SRGAP2B: variants seen among roughly 807,000 people sequenced by gnomAD.
SRGAP2B encodes SLIT-ROBO Rho GTPase activating protein 2B.
In SRGAP2B, 9 loss-of-function variants were observed where a neutral mutation model predicts 22.2. The observed-to-expected ratio is 0.41, with a 90% confidence interval of 0.24 to 0.71. SRGAP2B has a LOEUF of 0.71. Ranked by LOEUF, SRGAP2B falls within the 30% of genes least tolerant of loss-of-function variation. SRGAP2B has a pLI of 0.35. For synonymous variants in SRGAP2B, 36 were observed against 87.4 expected, an observed-to-expected ratio of 0.41 and a Z score of 3.28; for missense variants, 114 against 235.8, an observed-to-expected ratio of 0.48 and a Z score of 3.38.
At chr1:144,911,619 A>ATTT (rs1319087786) in intron 5 of SRGAP2B, among the ~76,000 whole-genome samples, 3 of 135,644 alleles carry the variant, frequency 2.2e-5, no homozygotes, top group African/African-American at 8.7e-5. Flanking sequence ...CTGAACTGCT[A>ATTT]TTTTTTTTTT....
chr1:145,093,838 G>C (rs1360084591), intron 1 of SRGAP2B, among the ~76,000 whole-genome samples: 3 of 143,772 alleles, frequency 2.1e-5, no homozygotes, highest in African/African-American at 8.1e-5. Context: ...TACATCAAAG[G>C]GGATCAAAGC....
rs1228294093 is a variant in SRGAP2B, at chr1:144,998,988, C to A, written c.68-3788G>T. On this transcript the variant is annotated intron_variant, in intron 2 of 9. Transcript: ENST00000612199. ...GCCCCTCTGAATCCTGGCCTATCAA[C>A]AAACAAAAGGGCAGAAAGAAGAAAG... Among the ~76,000 whole-genome samples the A allele has an allele frequency of 8.7e-4, 131 of 150,948 alleles. 6 individuals carry two copies. The highest frequency in any genetic ancestry group is 3.0e-3 in the African/African-American group (122 of 40,444).
intron 4 of SRGAP2B, among the ~76,000 whole-genome samples, chr1:144,951,806 C>T: frequency 7.0e-6 from 1 of 142,706 alleles, no homozygotes; most frequent in East Asian, 2.1e-4. Context: ...CCTATGTCCC[C>T]AGAGAAATGG....
intron 2 of SRGAP2B, among the ~76,000 whole-genome samples, chr1:144,998,749 T>C (rs2102177994): frequency 6.6e-6 from 1 of 151,204 alleles, no homozygotes; most frequent in South Asian, 2.1e-4. Context: ...CTAACTACTC[T>C]CACTCTTAGG....
At chr1:145,084,019 A>G (rs1653143367) in intron 2 of SRGAP2B, among the ~76,000 whole-genome samples, 2 of 135,016 alleles carry the variant, frequency 1.5e-5, no homozygotes, top group Admixed American at 7.3e-5. Flanking sequence ...TAAGGAAGGA[A>G]TCCCAGAAAC....
chr1:145,063,113 TG>T (rs1406606658), intron 2 of SRGAP2B, among the ~76,000 whole-genome samples: 1 of 143,788 alleles, frequency 7.0e-6, no homozygotes, highest in African/African-American at 2.7e-5. Flanking sequence ...CCAAAACTGA[TG>T]GGATCCTCAA....
At chr1:145,093,672 G>C (rs1400425871) in intron 1 of SRGAP2B, among the ~76,000 whole-genome samples, 1 of 146,356 alleles carries the variant, frequency 6.8e-6, no homozygotes, top group South Asian at 2.1e-4. Context: ...CGCGGGCTCC[G>C]GGCGGGAACT....
chr1:144,909,261 G>A lies in SRGAP2B; in HGVS notation c.487-3187C>T, dbSNP rs1295079515. On this transcript the variant is annotated intron_variant, in intron 5 of 9. Coordinates refer to ENST00000612199, the Ensembl canonical transcript of SRGAP2B. The stretch of plus-strand genomic sequence containing the variant: ...AGAAATAAGTAGCAGTGGGATGAAG[G>A]TAGAGCTAAACACAAAATAAGCTAT... 4.1e-5 allele frequency among the ~76,000 whole-genome samples: 6 copies of A among 146,600 alleles called. 1 individual carries two copies. The highest frequency in any genetic ancestry group is 1.6e-4 in the African/African-American group (6 of 38,074).
At chr1:144,970,645 T>A (rs1158816903) in intron 3 of SRGAP2B, among the ~76,000 whole-genome samples, 2 of 128,456 alleles carry the variant, frequency 1.6e-5, no homozygotes, top group Non-Finnish European at 1.6e-5. Flanking sequence ...CTTAAAGTAT[T>A]AAAAAAAAAA....
At chr1:144,955,338 G>A in intron 4 of SRGAP2B, 101 bp downstream of exon 4, 1 of 583,030 alleles carries the variant, frequency 1.7e-6, no homozygotes, top group Non-Finnish European at 3.1e-6. Context: ...CTGGTGTACA[G>A]ATAATTTTGT....
intron 2 of SRGAP2B, among the ~76,000 whole-genome samples, chr1:145,008,934 G>T (rs1553621642): frequency 2.0e-5 from 3 of 150,264 alleles, no homozygotes; most frequent in Non-Finnish European, 4.4e-5. Context: ...GACTTTGGGA[G>T]GCCAAGGCAG....
intron 4 of SRGAP2B, among the ~76,000 whole-genome samples, chr1:144,951,928 T>C (rs1359190961): frequency 6.8e-6 from 1 of 147,242 alleles, no homozygotes; most frequent in African/African-American, 2.6e-5. Flanking sequence ...GCACCTGAAA[T>C]AATCCTTCAT....
chr1:144,918,217 G>T (rs1387541882), intron 4 of SRGAP2B: 2 of 139,510 alleles, frequency 1.4e-5, no homozygotes, highest in Admixed American at 1.4e-4. Flanking sequence ...GAAGTTGGGG[G>T]AAAAAATTAC....
chr1:144,964,378 G>T (rs1354763909), intron 3 of SRGAP2B, among the ~76,000 whole-genome samples: 3 of 147,358 alleles, frequency 2.0e-5, no homozygotes, highest in Admixed American at 6.7e-5. Context: ...CACCAATCTT[G>T]CCAAATCAGC....
intron 4 of SRGAP2B, among the ~76,000 whole-genome samples, chr1:144,926,045 CCT>C (rs1664711984): frequency 3.6e-5 from 2 of 55,804 alleles, no homozygotes; most frequent in African/African-American, 1.5e-4. Flanking sequence ...CTTCTATTTT[CCT>C]CTTTCCTCTC....
At chr1:145,093,704 C>G (rs1351256944) in intron 1 of SRGAP2B, among the ~76,000 whole-genome samples, 2 of 148,624 alleles carry the variant, frequency 1.3e-5, no homozygotes, top group East Asian at 3.9e-4. Context: ...GGGCACCGGG[C>G]GGGGAATGCG....
At chr1:145,012,699 CTAAATTTTACTCCCCACT>C (rs1672142503) in intron 2 of SRGAP2B, among the ~76,000 whole-genome samples, 1 of 127,188 alleles carries the variant, frequency 7.9e-6, no homozygotes, top group Non-Finnish European at 1.6e-5. Context: ...CAAGGTTTTC[CTAAATTTTACTCCCCACT>C]ATAATATTTT....
At chr1:144,905,289 G>A (rs1481030764) in intron 6 of SRGAP2B, 70 bp from the exon 7 acceptor site, 7 of 652,426 alleles carry the variant, frequency 1.1e-5, no homozygotes, top group Non-Finnish European at 1.9e-5. Flanking sequence ...AAAGATAAAA[G>A]TACAGTGTAT....
chr1:145,061,805 G>C lies in SRGAP2B; in HGVS notation c.67+31030C>G, dbSNP rs1274754239. Among the ~76,000 whole-genome samples, 171 of 135,166 alleles carry C rather than the reference G, an allele frequency of 1.3e-3. 3 individuals are homozygous for C. Among genetic ancestry groups the C allele is most frequent in the Middle Eastern group, 7.0e-3 (2 of 284 alleles). 88.7% of individuals were successfully genotyped at this position (135,166 alleles called of 152,430 possible). On this transcript the variant is annotated intron_variant, in intron 2 of 9. Transcript: ENST00000612199. ...AGACGGGGTTTCACCATGTTGGCCAGGCTGGCATTTACATATTTTTAAGTT... is the reference window on the plus strand; with the variant it reads ...AGACGGGGTTTCACCATGTTGGCCACGCTGGCATTTACATATTTTTAAGTT...
Sources: gnomAD v4.1 joint callset for allele counts (sites outside exome capture counted in the v4.1 genomes callset) on GRCh38, gnomAD v4.1.1 for gene constraint, MANE v1.5 for transcripts, NCBI Gene and HGNC (gene_info 2026-07-23, HGNC 2026-07-21) for gene names.